The following NALF1 variants were observed in gnomAD, a reference collection of about 807,000 sequenced individuals.
NALF1 encodes the protein family with sequence similarity 155 member A.
NALF1 carries 3 observed loss-of-function variants against 48.4 expected under a neutral mutation model. The ratio of observed to expected loss-of-function variants is 0.06; its 90% confidence interval spans 0.03 to 0.16. NALF1 has a LOEUF of 0.16. Ranked by LOEUF, NALF1 falls within the 10% of genes least tolerant of loss-of-function variation. NALF1 has a pLI of 1.00. For missense variants in NALF1, 526 were observed against 571.5 expected, an observed-to-expected ratio of 0.92 and a Z score of 0.81; for synonymous variants, 262 against 245.7, an observed-to-expected ratio of 1.07 and a Z score of -0.62.
intron 1 of NALF1, among the ~76,000 whole-genome samples, chr13:107,549,628 A>G (rs953607032): frequency 1.3e-5 from 2 of 152,156 alleles, no homozygotes; most frequent in East Asian, 3.8e-4. Flanking sequence ...ATGGTTGTGT[A>G]TACATATTTT....
chr13:107,425,071 T>C (rs1166931588), intron 1 of NALF1, among the ~76,000 whole-genome samples: 1 of 152,212 alleles, frequency 6.6e-6, no homozygotes, highest in Non-Finnish European at 1.5e-5. Context: ...CAAATGAAAG[T>C]CGTATTTTGC....
intron 2 of NALF1, among the ~76,000 whole-genome samples, chr13:107,177,786 A>T (rs1337791412): frequency 6.6e-6 from 1 of 152,242 alleles, no homozygotes; most frequent in Non-Finnish European, 1.5e-5. Flanking sequence ...GCTATGGATC[A>T]CACTTGTAAC....
chr13:107,505,288 C>T (rs976196999), intron 1 of NALF1, among the ~76,000 whole-genome samples: 2 of 152,060 alleles, frequency 1.3e-5, no homozygotes, highest in Admixed American at 1.3e-4. Flanking sequence ...AGTGCAAGGA[C>T]AAGAGGAGGG....
At chr13:107,347,251 G>A (rs1249812836) in intron 1 of NALF1, among the ~76,000 whole-genome samples, 1 of 152,126 alleles carries the variant, frequency 6.6e-6, no homozygotes, top group Admixed American at 6.6e-5. Context: ...ACCTGCCTTG[G>A]GGTCACATCA....
chr13:107,253,536 C>T (rs949250825), intron 1 of NALF1, among the ~76,000 whole-genome samples: 12 of 152,188 alleles, frequency 7.9e-5, no homozygotes, highest in African/African-American at 2.7e-4. Context: ...CAGCATCTCT[C>T]ACACTTGTTT....
At chr13:107,336,027 T>C (rs1239850577) in intron 1 of NALF1, among the ~76,000 whole-genome samples, 1 of 152,172 alleles carries the variant, frequency 6.6e-6, no homozygotes, top group Non-Finnish European at 1.5e-5. Context: ...TTTTCCTCTC[T>C]CTTGCAAAAT....
At chr13:107,795,667 AT>A (rs1878400087) in intron 1 of NALF1, among the ~76,000 whole-genome samples, 1 of 152,124 alleles carries the variant, frequency 6.6e-6, no homozygotes, top group South Asian at 2.1e-4. Context: ...TATCATTGTT[AT>A]TATCCTTAAT....
In NALF1 at chr13:107,578,134, T is replaced by A. The variant is rs139171702; in HGVS notation, c.915+287548A>T. Among the ~76,000 whole-genome samples, 297 of 152,262 alleles carry A rather than the reference T, an allele frequency of 2.0e-3. 1 individual carries two copies. The highest frequency in any genetic ancestry group is 6.9e-3 in the African/African-American group (287 of 41,564). The stretch of plus-strand genomic sequence containing the variant: ...GTATCCAATCTCCAGTCACTGGAAC[T>A]TAACATTTGAATCTCTGATAGTCTC... On this transcript the variant is annotated intron_variant, in intron 1 of 2. Transcript: ENST00000375915.
intron 1 of NALF1, among the ~76,000 whole-genome samples, chr13:107,526,471 C>T (rs572072036): frequency 4.6e-5 from 7 of 151,452 alleles, no homozygotes; most frequent in Non-Finnish European, 7.4e-5. Flanking sequence ...TTGTGTAGAT[C>T]ATTTAATATG....
intron 1 of NALF1, among the ~76,000 whole-genome samples, chr13:107,229,540 T>C (rs1443172399): frequency 6.6e-6 from 1 of 152,158 alleles, no homozygotes; most frequent in Non-Finnish European, 1.5e-5. Context: ...AACCTTTCCA[T>C]AGCTGAGTTC....
chr13:107,305,706 T>A (rs1040930014), intron 1 of NALF1, among the ~76,000 whole-genome samples: 1 of 152,156 alleles, frequency 6.6e-6, no homozygotes, highest in African/African-American at 2.4e-5. Flanking sequence ...ACAACATAAA[T>A]GAATCTTACA....
At chr13:107,780,828 A>G (rs945808094) in intron 1 of NALF1, among the ~76,000 whole-genome samples, 2 of 152,182 alleles carry the variant, frequency 1.3e-5, no homozygotes, top group African/African-American at 4.8e-5. Flanking sequence ...ACTACTCTGT[A>G]ACCATTTTAC....
chr13:107,630,257 C>CCT (rs1879799500), intron 1 of NALF1, among the ~76,000 whole-genome samples: 1 of 152,154 alleles, frequency 6.6e-6, no homozygotes, highest in Non-Finnish European at 1.5e-5. Context: ...TCCACTCTTA[C>CCT]CTCTGTCCAA....
At chr13:107,673,602 T>C (rs539485626) in intron 1 of NALF1, among the ~76,000 whole-genome samples, 3 of 152,126 alleles carry the variant, frequency 2.0e-5, no homozygotes, top group Admixed American at 2.0e-4. Flanking sequence ...ATACAAGGAA[T>C]TGGTTCTATG....
At chr13:107,381,168 G>T (rs925591172) in intron 1 of NALF1, among the ~76,000 whole-genome samples, 28 of 147,582 alleles carry the variant, frequency 1.9e-4, no homozygotes, top group African/African-American at 6.9e-4. Flanking sequence ...AAGTTCGTTA[G>T]AATAGAGGGG....
At chr13:107,396,573 TG>T (rs1309390154) in intron 1 of NALF1, among the ~76,000 whole-genome samples, 1 of 152,170 alleles carries the variant, frequency 6.6e-6, no homozygotes, top group Non-Finnish European at 1.5e-5. Flanking sequence ...TGACAGCAAA[TG>T]ATCATTCTGC....
Position 107,210,726 on chromosome 13 carries a change from C to T in NALF1, c.945G>A (p.Gln315=). ...AGTTAAACTGTGTGACTTCAAAATA[C>T]TGGGAACAGAGCCAGGCTTTGTAGA... ...KIVYKAWLCS[Q]YFEVTQFNCR... The change falls in exon 2 of 3, where the codon CAG becomes CAA. Residue 315 remains glutamine, a synonymous_variant. Coordinates refer to ENST00000375915, the MANE Select transcript of NALF1 (RefSeq NM_001080396.3). The T allele has an allele frequency of 6.2e-7, 1 of 1,613,124 alleles. No individual in the cohort carries two copies.
chr13:107,599,194 G>A (rs1878845002), intron 1 of NALF1, among the ~76,000 whole-genome samples: 1 of 152,082 alleles, frequency 6.6e-6, no homozygotes, highest in Non-Finnish European at 1.5e-5. Context: ...GCCGAGGCGG[G>A]CAGATCACGA....
In NALF1 at chr13:107,483,402, C is replaced by A. The variant is rs371260913; in HGVS notation, c.916-272647G>T. On this transcript the variant is annotated intron_variant, in intron 1 of 2. Coordinates refer to ENST00000375915, the MANE Select transcript of NALF1 (RefSeq NM_001080396.3). Reference sequence around the variant, plus strand: ...TTTTGTAGTCTCAAAATTGACAGCACATTAGATTTGGTAAAATGAAATGTA... The same window carrying A: ...TTTTGTAGTCTCAAAATTGACAGCAAATTAGATTTGGTAAAATGAAATGTA... Among the ~76,000 whole-genome samples, 73 of 152,172 alleles carry A rather than the reference C, an allele frequency of 4.8e-4. 1 individual carries two copies. In the East Asian group the frequency reaches 0.013, roughly 27 times the overall value.
Sources: gnomAD v4.1 joint callset for allele counts (sites outside exome capture counted in the v4.1 genomes callset) on GRCh38, gnomAD v4.1.1 for gene constraint, MANE v1.5 for transcripts, NCBI Gene and HGNC (gene_info 2026-07-23, HGNC 2026-07-21) for gene names.